Variants in PIP5K1B observed in about 807,000 individuals in gnomAD.
PIP5K1B encodes phosphatidylinositol 4-phosphate 5-kinase type-1 beta.
A neutral mutation model predicts 67.0 loss-of-function variants in PIP5K1B; 42 were observed. The ratio of observed to expected loss-of-function variants is 0.63; its 90% CI spans 0.49 to 0.81. The LOEUF is 0.81. PIP5K1B is among the 30% of genes least tolerant of loss of function. The pLI, the probability that PIP5K1B is intolerant of heterozygous loss-of-function variation, is 0.00. For missense variants in PIP5K1B, 459 were observed against 646.3 expected (o/e 0.71, Z 3.14); for synonymous variants, 214 against 231.4 (o/e 0.92, Z 0.68).
At chr9:68,729,570 T>G (rs748466075) in intron 1 of PIP5K1B, among the ~76,000 whole-genome samples, 4 of 152,148 alleles carry the variant, frequency 2.6e-5, no homozygotes, top group Non-Finnish European at 4.4e-5. Flanking sequence ...CACATAATGG[T>G]CAGTATCCCG....
chr9:68,713,495 A>G (rs1189750961), intron 1 of PIP5K1B, among the ~76,000 whole-genome samples: 1 of 152,202 alleles, frequency 6.6e-6, no homozygotes, highest in Non-Finnish European at 1.5e-5. Context: ...TATTGCCAGT[A>G]CATAGTAAAT....
intron 15 of PIP5K1B, among the ~76,000 whole-genome samples, chr9:69,000,568 C>T (rs370172593): frequency 6.6e-6 from 1 of 152,126 alleles, no homozygotes; most frequent in Non-Finnish European, 1.5e-5. Flanking sequence ...TCTAGCCTTT[C>T]GCTGGTTTGT....
Position 69,008,354 on chromosome 9 carries a change from G to A in PIP5K1B, c.1621-93G>A, listed in dbSNP as rs1014303469. ...CCCATTTTCCAGACACAAGTGATTG[G>A]GAGAAATAACGAACTTATGTTGCGA... On this transcript the variant is annotated intron_variant, in intron 15 of 15. Coordinates refer to ENST00000265382, the MANE Select transcript of PIP5K1B (RefSeq NM_003558.4). The A allele has an allele frequency of 7.3e-6, 8 of 1,098,428 alleles. No individual in the cohort carries two copies. In the African/African-American group the frequency reaches 1.2e-4, roughly 17 times the overall value. 68.0% of individuals were successfully genotyped at this position (1,098,428 alleles called of 1,614,324 possible). A position where few individuals can be genotyped will look rare whatever the true frequency, so the allele number is the denominator to read the frequency against.
intron 15 of PIP5K1B, among the ~76,000 whole-genome samples, chr9:68,997,025 G>GC (rs1331618087): frequency 2.4e-4 from 37 of 152,190 alleles, no homozygotes; most frequent in Admixed American, 2.4e-3. Context: ...CAGTTAAGCT[G>GC]TTTTTTAGCC....
intron 4 of PIP5K1B, chr9:68,824,424 G>A: frequency 3.3e-6 from 1 of 300,568 alleles, no homozygotes; most frequent in African/African-American, 2.3e-5. Context: ...TCTCCAGTAG[G>A]ATATTTAACT....
At chr9:68,947,040 C>A (rs1047074945) in intron 14 of PIP5K1B, among the ~76,000 whole-genome samples, 12 of 152,194 alleles carry the variant, frequency 7.9e-5, no homozygotes, top group Admixed American at 2.0e-4. Flanking sequence ...ATTTGAGACA[C>A]TAATACCTTG....
At chr9:68,984,967 G>A (rs985142580) in intron 14 of PIP5K1B, among the ~76,000 whole-genome samples, 1 of 152,226 alleles carries the variant, frequency 6.6e-6, no homozygotes, top group African/African-American at 2.4e-5. Context: ...CAGGCAAGCC[G>A]CTGCACCTCC....
chr9:68,932,371 T>C (rs1020060219), intron 12 of PIP5K1B, among the ~76,000 whole-genome samples: 1 of 152,208 alleles, frequency 6.6e-6, no homozygotes, highest in Non-Finnish European at 1.5e-5. Flanking sequence ...GGGTGATAGC[T>C]ATCTATATTT....
intron 2 of PIP5K1B, among the ~76,000 whole-genome samples, chr9:68,789,826 C>A (rs1831858562): frequency 6.6e-6 from 1 of 152,182 alleles, no homozygotes; most frequent in South Asian, 2.1e-4. Context: ...CGGCCTCACT[C>A]CTCGGAGCAC....
In PIP5K1B at chr9:68,746,066, T is replaced by G. The variant is rs890842346; in HGVS notation, c.-86+3409T>G. 2.2e-4 allele frequency among the ~76,000 whole-genome samples: 32 copies of G among 148,460 alleles called. 1 individual carries two copies. The highest frequency in any genetic ancestry group is 7.9e-4 in the African/African-American group (32 of 40,292). On this transcript the variant is annotated intron_variant, in intron 2 of 15. Coordinates refer to ENST00000265382, the MANE Select transcript of PIP5K1B (RefSeq NM_003558.4). ...CTTTCCCCACATGTCTCTCTTCTTT[T>G]GTGTTAACTCTTTTTTTTTTTTTTT...
intron 5 of PIP5K1B, among the ~76,000 whole-genome samples, chr9:68,865,834 C>T (rs1823327944): frequency 6.6e-6 from 1 of 152,346 alleles, no homozygotes; most frequent in African/African-American, 2.4e-5. Context: ...CGGGGTGATT[C>T]TCAGCACAGA....
At chr9:68,912,420 G>A (rs1480580186) in intron 8 of PIP5K1B, among the ~76,000 whole-genome samples, 1 of 152,124 alleles carries the variant, frequency 6.6e-6, no homozygotes, top group Non-Finnish European at 1.5e-5. Flanking sequence ...AAAGAACCAA[G>A]AGAAGCCAGG....
At position 68,818,493 on chromosome 9, in the gene PIP5K1B, G is replaced by A. The variant is rs1833565167; in HGVS notation, c.-53G>A. The A allele has an allele frequency of 6.6e-6, 1 of 152,588 alleles. No individual in the cohort carries two copies. Among genetic ancestry groups the A allele is most frequent in the East Asian group, 1.9e-4 (1 of 5,200 alleles). 9.5% of individuals were successfully genotyped at this position (152,588 alleles called of 1,614,324 possible). On this transcript the variant is annotated 5_prime_UTR_variant, in exon 3 of 16. Transcript: ENST00000265382. ...GCAAAGAAAACGGTCTCGACAATGA[G>A]TAGGCCACCCATCACTACTAACTAC...
chr9:68,713,076 A>G (rs1219829552), intron 1 of PIP5K1B, among the ~76,000 whole-genome samples: 1 of 152,212 alleles, frequency 6.6e-6, no homozygotes, highest in Non-Finnish European at 1.5e-5. Context: ...TTAGACCAAC[A>G]GAGTCATCAC....
intron 12 of PIP5K1B, among the ~76,000 whole-genome samples, 187 bp from the exon 13 acceptor site, chr9:68,934,703 G>A (rs1827165563): frequency 6.6e-6 from 1 of 152,072 alleles, no homozygotes; most frequent in Non-Finnish European, 1.5e-5. Flanking sequence ...AAATAATATA[G>A]CCAATTCATC....
intron 14 of PIP5K1B, among the ~76,000 whole-genome samples, chr9:68,957,044 C>T (rs928291398): frequency 1.3e-5 from 2 of 152,124 alleles, no homozygotes; most frequent in African/African-American, 4.8e-5. Context: ...CAGGTATATG[C>T]AGTCTAGGGT....
chr9:68,937,139 A>G (rs1009034230), intron 13 of PIP5K1B, among the ~76,000 whole-genome samples: 2 of 152,142 alleles, frequency 1.3e-5, no homozygotes, highest in Non-Finnish European at 2.9e-5. Context: ...TGAGTTAGGG[A>G]GGATTCCCCC....
chr9:68,822,976 G>A (rs535027323), intron 4 of PIP5K1B, among the ~76,000 whole-genome samples: 1 of 151,954 alleles, frequency 6.6e-6, no homozygotes, highest in Non-Finnish European at 1.5e-5. Flanking sequence ...GTCTTTTCCG[G>A]CTTCTAGAGG....
At chr9:68,892,931 G>T (rs965570271) in intron 7 of PIP5K1B, among the ~76,000 whole-genome samples, 2 of 151,976 alleles carry the variant, frequency 1.3e-5, no homozygotes, top group African/African-American at 4.8e-5. Flanking sequence ...AAATTATCTG[G>T]GTGTGGCGGC....
Sources: allele counts gnomAD v4.1 joint callset (sites outside exome capture counted in the v4.1 genomes callset), GRCh38; gene constraint gnomAD v4.1.1; transcripts MANE v1.5; gene names NCBI Gene and HGNC (gene_info 2026-07-23, HGNC 2026-07-21).